Variants in WBP1L observed in about 807,000 individuals in gnomAD.
WBP1L encodes the protein WW domain binding protein 1 like.
Under a neutral mutation model 33.7 loss-of-function variants are expected in WBP1L, and 17 were observed. The observed-to-expected ratio is 0.50, with a 90% CI of 0.34 to 0.76. The LOEUF (loss-of-function observed/expected upper bound fraction) is 0.76. Among genes scored for constraint, WBP1L ranks in the 30% least tolerant of loss-of-function variants. The pLI, the probability that WBP1L is intolerant of heterozygous loss-of-function variation, is 0.01. For synonymous variants in WBP1L, 173 were observed against 190.8 expected (o/e 0.91, Z 0.77); for missense variants, 389 against 469.4 (o/e 0.83, Z 1.58).
intron 1 of WBP1L, among the ~76,000 whole-genome samples, chr10:102,753,425 G>A (rs1842943313): frequency 1.3e-5 from 2 of 152,142 alleles, no homozygotes; most frequent in South Asian, 4.2e-4. Flanking sequence ...TTGCAACCTG[G>A]GAGGTCAAGA....
intron 2 of WBP1L, among the ~76,000 whole-genome samples, chr10:102,805,129 A>T (rs1444365362): frequency 6.6e-6 from 1 of 151,928 alleles, no homozygotes; most frequent in African/African-American, 2.4e-5. Context: ...ATCTACAAAA[A>T]ATTTAAAAAT....
intron 1 of WBP1L, among the ~76,000 whole-genome samples, chr10:102,749,214 C>A (rs1842899554): frequency 6.6e-6 from 1 of 152,138 alleles, no homozygotes; most frequent in African/African-American, 2.4e-5. Flanking sequence ...AACTGAGGAA[C>A]TGAATTTTGA....
chr10:102,808,033 G>T lies in WBP1L; in HGVS notation c.194-1860G>T, dbSNP rs1327870668. 2.0e-5 allele frequency among the ~76,000 whole-genome samples: 3 copies of T among 152,096 alleles called. No individual in the cohort carries two copies. The East Asian group carries it at 5.8e-4, about 30-fold the overall frequency. On this transcript the variant is annotated intron_variant, in intron 2 of 3. Transcript: ENST00000448841. ...CCAGCCTGGGCAACACAGGGAGAAA[G>T]CCAGGCATGGTGGCATATGCTTGTA...
At chr10:102,760,267 G>A (rs920124688) in intron 1 of WBP1L, among the ~76,000 whole-genome samples, 2 of 152,070 alleles carry the variant, frequency 1.3e-5, no homozygotes, top group Non-Finnish European at 1.5e-5. Flanking sequence ...ACTGGGCTCG[G>A]TCAGGGCTCT....
chr10:102,746,263 T>G, intron 1 of WBP1L: 1 of 649,784 alleles, frequency 1.5e-6, no homozygotes, highest in Non-Finnish European at 1.9e-6. Flanking sequence ...CTGTGGCACT[T>G]CTAATACTTA....
chr10:102,799,505 A>C (rs1331564248), intron 2 of WBP1L, among the ~76,000 whole-genome samples: 1 of 152,128 alleles, frequency 6.6e-6, no homozygotes, highest in East Asian at 1.9e-4. Context: ...CCTGGAACTC[A>C]GACGAGACAG....
chr10:102,773,292 A>C (rs1189876486), intron 1 of WBP1L, among the ~76,000 whole-genome samples: 1 of 152,182 alleles, frequency 6.6e-6, no homozygotes, highest in Non-Finnish European at 1.5e-5. Context: ...CAAGAAGTTG[A>C]TAGAAAGAAG....
chr10:102,786,640 A>G (rs1160010382), intron 1 of WBP1L, among the ~76,000 whole-genome samples: 1 of 152,184 alleles, frequency 6.6e-6, no homozygotes, highest in East Asian at 1.9e-4. Flanking sequence ...AGATGCCCTT[A>G]TTGTCCTGAT....
intron 1 of WBP1L, among the ~76,000 whole-genome samples, chr10:102,786,755 ATT>A (rs1274515540): frequency 6.6e-6 from 1 of 152,116 alleles, no homozygotes; most frequent in Non-Finnish European, 1.5e-5. Context: ...GTGGACCTCT[ATT>A]GTCCCCACTA....
At chr10:102,787,596 G>GA (rs924372218) in intron 1 of WBP1L, among the ~76,000 whole-genome samples, 2 of 151,364 alleles carry the variant, frequency 1.3e-5, no homozygotes, top group East Asian at 2.0e-4. Flanking sequence ...TCCAGAGGGG[G>GA]AAAAAAAAGA....
At chr10:102,811,756 C>T (rs1284247030) in intron 3 of WBP1L, among the ~76,000 whole-genome samples, 2 of 152,160 alleles carry the variant, frequency 1.3e-5, no homozygotes, top group African/African-American at 4.8e-5. Context: ...AGTGATCTGC[C>T]CGCCTCGGCT....
intron 1 of WBP1L, among the ~76,000 whole-genome samples, chr10:102,753,388 CAAAG>C (rs2134026391): frequency 6.6e-6 from 1 of 152,298 alleles, no homozygotes; most frequent in South Asian, 2.1e-4. Flanking sequence ...GTGGAAACCA[CAAAG>C]AAACACAAGT....
chr10:102,804,224 A>G lies in WBP1L; in HGVS notation c.194-5669A>G, dbSNP rs192727977. 2.0e-4 allele frequency among the ~76,000 whole-genome samples: 31 copies of G among 151,792 alleles called. No homozygotes were observed. In the Middle Eastern group the frequency reaches 0.01, roughly 50 times the overall value. ...GCCAACATGGTGAAATGCCATCTCC[A>G]CTAAAAATACAAAATTAGCTGGGTG... On this transcript the variant is annotated intron_variant, in intron 2 of 3. Transcript: ENST00000448841.
At position 102,744,048 on chromosome 10, in the gene WBP1L, A is replaced by T; in HGVS notation, c.-6A>T. ...GCCGTGGCGGAGGAGCAGGAGCAGG[A>T]GGGGGATGGAGAGGAGAAGGCTCCT... On this transcript the variant is annotated 5_prime_UTR_variant, in exon 1 of 4. Coordinates refer to ENST00000448841, the MANE Select transcript of WBP1L (RefSeq NM_001083913.2). 6.5e-7 allele frequency: 1 copy of T among 1,547,078 alleles called. No individual in the cohort carries two copies. Among genetic ancestry groups the T allele is most frequent in the Non-Finnish European group, 8.7e-7 (1 of 1,144,746 alleles).
chr10:102,810,120 T>C, intron 3 of WBP1L, 66 bp downstream of exon 3: 1 of 1,532,304 alleles, frequency 6.5e-7, no homozygotes, highest in Non-Finnish European at 8.8e-7. Context: ...GGGCTCACAC[T>C]GAATATTGGT....
chr10:102,751,363 G>A (rs2134025204), intron 1 of WBP1L, among the ~76,000 whole-genome samples: 2 of 150,772 alleles, frequency 1.3e-5, no homozygotes, highest in Non-Finnish European at 2.9e-5. Flanking sequence ...TGTTGCCCAG[G>A]CTGAAGTGCA....
At chr10:102,746,446 A>G (rs746853831) in intron 1 of WBP1L, among the ~76,000 whole-genome samples, 2 of 152,042 alleles carry the variant, frequency 1.3e-5, no homozygotes, top group Admixed American at 6.6e-5. Flanking sequence ...TCCCTATACA[A>G]TTCCATCCCC....
chr10:102,809,051 T>C (rs1843786069), intron 2 of WBP1L, among the ~76,000 whole-genome samples: 1 of 151,824 alleles, frequency 6.6e-6, no homozygotes, highest in African/African-American at 2.4e-5. Flanking sequence ...CGTCCTGGAG[T>C]GAGAGACCTG....
chr10:102,789,144 A>G (rs1043822910), intron 1 of WBP1L, among the ~76,000 whole-genome samples: 7 of 152,098 alleles, frequency 4.6e-5, no homozygotes, highest in East Asian at 1.9e-4. Context: ...AATATTTTTA[A>G]TAGCGATGGG....
Sources: gnomAD v4.1 joint callset for allele counts (sites outside exome capture counted in the v4.1 genomes callset) on GRCh38, gnomAD v4.1.1 for gene constraint, MANE v1.5 for transcripts, NCBI Gene and HGNC (gene_info 2026-07-23, HGNC 2026-07-21) for gene names.